Variants in CLEC16A observed in about 807,000 individuals in gnomAD.
CLEC16A encodes C-type lectin domain containing 16A.
Under a neutral mutation model 109.5 loss-of-function variants are expected in CLEC16A, and 51 were observed. The observed-to-expected ratio is 0.47, with a 90% CI of 0.37 to 0.59. CLEC16A has a LOEUF of 0.59. CLEC16A is among the 20% of genes least tolerant of loss of function. The pLI is 0.00. For missense variants in CLEC16A, 1,339 were observed against 1,394.0 expected (o/e 0.96, Z 0.63); for synonymous variants, 673 against 564.2 (o/e 1.19, Z -2.73).
chr16:11,125,904 TC>T (rs3214361), intron 21 of CLEC16A, 74 bp from the exon 22 acceptor site: 61,440 of 181,742 alleles, frequency 0.34, 10,105 homozygotes, highest in Admixed American at 0.54. Context: ...CACTACGATG[TC>T]CCCCCCCCCA....
intron 22 of CLEC16A, among the ~76,000 whole-genome samples, chr16:11,131,087 T>C (rs2053175938): frequency 6.6e-6 from 1 of 152,094 alleles, no homozygotes; most frequent in Non-Finnish European, 1.5e-5. Context: ...GCTCTCACCC[T>C]CACAGAATGT....
intron 18 of CLEC16A, among the ~76,000 whole-genome samples, chr16:11,055,045 C>T (rs1194613823): frequency 1.3e-5 from 2 of 151,776 alleles, no homozygotes; most frequent in Non-Finnish European, 2.9e-5. Flanking sequence ...AACAATTCTC[C>T]TGGCAAATCA....
At chr16:10,971,491 T>A in intron 5 of CLEC16A, 1 of 954,256 alleles carries the variant, frequency 1.0e-6, no homozygotes, top group Non-Finnish European at 1.2e-6. Flanking sequence ...ACGTGTGGGA[T>A]TCAGAGTGGC....
intron 19 of CLEC16A, among the ~76,000 whole-genome samples, chr16:11,089,976 G>A (rs2050214345): frequency 1.3e-5 from 2 of 152,226 alleles, no homozygotes. Flanking sequence ...CCACACAGCT[G>A]TGTTCTCTCA....
At chr16:11,161,545 C>T (rs1216592614) in intron 22 of CLEC16A, among the ~76,000 whole-genome samples, 1 of 152,156 alleles carries the variant, frequency 6.6e-6, no homozygotes, top group Non-Finnish European at 1.5e-5. Flanking sequence ...TATGCACACC[C>T]AGTGATTCTG....
chr16:11,011,977 T>G (rs1476187513), intron 11 of CLEC16A, among the ~76,000 whole-genome samples: 3 of 152,192 alleles, frequency 2.0e-5, no homozygotes. Flanking sequence ...TAGAGTTGTT[T>G]ATTGCTTAAA....
chr16:10,983,881 C>T (rs1202277972), intron 10 of CLEC16A, among the ~76,000 whole-genome samples: 1 of 151,156 alleles, frequency 6.6e-6, no homozygotes, highest in Non-Finnish European at 1.5e-5. Flanking sequence ...CTCCTTATGG[C>T]AGGGATCTCA....
intron 13 of CLEC16A, among the ~76,000 whole-genome samples, chr16:11,031,111 G>A (rs1019534176): frequency 6.6e-6 from 1 of 152,136 alleles, no homozygotes; most frequent in Non-Finnish European, 1.5e-5. Context: ...CTAGGCCTTG[G>A]AAGGCAGAAA....
intron 13 of CLEC16A, among the ~76,000 whole-genome samples, chr16:11,034,329 G>A (rs139056368): frequency 2.6e-5 from 4 of 152,296 alleles, no homozygotes; most frequent in African/African-American, 7.2e-5. Flanking sequence ...GTCAACAGAC[G>A]TTTTTAAAAA....
rs201694784 is a variant in CLEC16A, at chr16:10,944,658, G to C, written c.-60G>C. 7.9e-5 allele frequency: 118 copies of C among 1,502,306 alleles called. No homozygotes were observed. Among genetic ancestry groups the C allele is most frequent in the Non-Finnish European group, 3.5e-5 (38 of 1,100,636 alleles). The allele number at this position is 1,502,306 out of a possible 1,614,324, so 93.1% of individuals were successfully genotyped here. ...CGCTTGTGCTACCGCCGCGGGCGCT[G>C]GGCCGCTCTGCTGGTCCGGCATGAG... On this transcript the variant is annotated 5_prime_UTR_variant, in exon 1 of 24. Coordinates refer to ENST00000409790, the MANE Select transcript of CLEC16A (RefSeq NM_015226.3).
intron 13 of CLEC16A, among the ~76,000 whole-genome samples, chr16:11,026,111 A>G (rs2152815774): frequency 1.3e-5 from 2 of 152,344 alleles, no homozygotes; most frequent in Middle Eastern, 6.8e-3. Flanking sequence ...ATCTATGTTC[A>G]TGACTGATAC....
At chr16:11,103,209 C>T (rs866933524) in intron 19 of CLEC16A, among the ~76,000 whole-genome samples, 15 of 152,302 alleles carry the variant, frequency 9.8e-5, no homozygotes, top group African/African-American at 2.6e-4. Context: ...AGCCAGCAGT[C>T]CCCCCAGAGA....
rs143257130 is a variant in CLEC16A, at chr16:11,010,778, G to A, written c.1303+7473G>A. ...AATCCAGAGGCGGGTGGTGCCTTCC[G>A]TTGTCACGCCTCCAGCCTCCTTTAC... On this transcript the variant is annotated intron_variant, in intron 11 of 23. Coordinates refer to ENST00000409790, the MANE Select transcript of CLEC16A (RefSeq NM_015226.3). Among the ~76,000 whole-genome samples the A allele has an allele frequency of 4.5e-4, 68 of 152,272 alleles. No individual in the cohort carries two copies. The East Asian group carries it at 0.01, about 22-fold the overall frequency.
intron 11 of CLEC16A, among the ~76,000 whole-genome samples, chr16:11,018,943 G>A (rs2045929940): frequency 6.6e-6 from 1 of 152,076 alleles, no homozygotes; most frequent in African/African-American, 2.4e-5. Context: ...GAACAGAGGA[G>A]TGACATGAGC....
At chr16:11,045,240 C>T (rs901055205) in intron 16 of CLEC16A, among the ~76,000 whole-genome samples, 3 of 151,986 alleles carry the variant, frequency 2.0e-5, no homozygotes, top group Non-Finnish European at 2.9e-5. Context: ...CCCAGCTCCT[C>T]GGGAGGCTGA....
chr16:11,013,201 A>G (rs1226896810), intron 11 of CLEC16A, among the ~76,000 whole-genome samples: 2 of 152,210 alleles, frequency 1.3e-5, no homozygotes, highest in Admixed American at 6.5e-5. Flanking sequence ...ATCCTCATCC[A>G]TGTTATAATG....
intron 18 of CLEC16A, among the ~76,000 whole-genome samples, chr16:11,052,342 A>C (rs941459943): frequency 1.2e-4 from 19 of 152,214 alleles, no homozygotes; most frequent in African/African-American, 4.3e-4. Flanking sequence ...TTCATTGCAC[A>C]CAGCTCCCCT....
intron 19 of CLEC16A, among the ~76,000 whole-genome samples, chr16:11,079,848 C>T (rs986854342): frequency 2.6e-5 from 4 of 152,196 alleles, no homozygotes; most frequent in Non-Finnish European, 5.9e-5. Context: ...CCTGCTGGGC[C>T]CCCTTCCCTT....
At chr16:11,118,414 G>T (rs2052164310) in intron 19 of CLEC16A, among the ~76,000 whole-genome samples, 1 of 152,178 alleles carries the variant, frequency 6.6e-6, no homozygotes, top group Non-Finnish European at 1.5e-5. Flanking sequence ...GTTCTGAAGG[G>T]CCAAGTGCTG....
Sources: allele counts gnomAD v4.1 joint callset (sites outside exome capture counted in the v4.1 genomes callset), GRCh38; gene constraint gnomAD v4.1.1; transcripts MANE v1.5; gene names NCBI Gene and HGNC (gene_info 2026-07-23, HGNC 2026-07-21).